ACYP2: variants seen among roughly 807,000 people sequenced by gnomAD.
ACYP2 encodes the protein acylphosphatase 2.
In ACYP2, 12 loss-of-function variants were observed where a neutral mutation model predicts 11.2. That is an observed-to-expected ratio of 1.08 (90% confidence interval 0.69 to 1.74). The LOEUF (loss-of-function observed/expected upper bound fraction) is 1.74, where lower values mean the gene tolerates loss of function less well. Ranked by LOEUF, ACYP2 falls within the 40% of genes most tolerant of loss-of-function variation. The pLI, the probability that ACYP2 is intolerant of heterozygous loss-of-function variation, is 0.00. For missense variants in ACYP2, 134 were observed against 101.9 expected (o/e 1.31, Z -1.35); for synonymous variants, 43 against 32.2 (o/e 1.33, Z -1.13).
intron 6 of ACYP2, among the ~76,000 whole-genome samples, chr2:54,229,495 T>C (rs1350572880): frequency 1.3e-5 from 2 of 152,228 alleles, no homozygotes; most frequent in Non-Finnish European, 2.9e-5. Context: ...TTGCAGAATG[T>C]ATATTATTTG....
At chr2:54,161,653 T>G (rs1221773458) in intron 6 of ACYP2, among the ~76,000 whole-genome samples, 1 of 152,200 alleles carries the variant, frequency 6.6e-6, no homozygotes, top group Admixed American at 6.5e-5. Flanking sequence ...CAAATACAAC[T>G]GCCAAATTTT....
At chr2:54,094,531 G>GTT (rs1312168798) in intron 4 of ACYP2, among the ~76,000 whole-genome samples, 2 of 136,368 alleles carry the variant, frequency 1.5e-5, no homozygotes, top group African/African-American at 5.6e-5. Flanking sequence ...GCCCGGCCCA[G>GTT]TTGTGTGTGT....
chr2:54,122,058 C>T (rs73935073), intron 4 of ACYP2, among the ~76,000 whole-genome samples: 2,547 of 152,260 alleles, frequency 0.017, 75 homozygotes, highest in African/African-American at 0.058. Flanking sequence ...GAATTTTATT[C>T]CACATAAGGA....
At chr2:54,237,095 T>C (rs1012046066) in intron 6 of ACYP2, among the ~76,000 whole-genome samples, 1 of 152,150 alleles carries the variant, frequency 6.6e-6, no homozygotes, top group Non-Finnish European at 1.5e-5. Context: ...TTATAAGTAA[T>C]CTAGAGATGA....
chr2:54,074,269 C>T (rs1033559936), intron 4 of ACYP2, among the ~76,000 whole-genome samples: 2 of 152,080 alleles, frequency 1.3e-5, no homozygotes, highest in African/African-American at 4.8e-5. Context: ...CACTTGAGCC[C>T]AGGAATTCAA....
In ACYP2 at chr2:54,293,771, T is replaced by A. The variant is rs144762068; in HGVS notation, c.405-10917T>A. 7.9e-3 allele frequency among the ~76,000 whole-genome samples: 1,206 copies of A among 152,352 alleles called. 24 individuals are homozygous for A. Among genetic ancestry groups the A allele is most frequent in the African/African-American group, 0.025 (1,041 of 41,580 alleles). ...GGAATCTTAGGTCTTAGGTTAATTA[T>A]GGATGCTCTAGGATTTCCTGGATAA... is the stretch of plus-strand genomic sequence containing the variant. On this transcript the variant is annotated intron_variant, in intron 6 of 6. Coordinates refer to ENST00000607452, the MANE Select transcript of ACYP2 (RefSeq NM_001320586.2).
intron 4 of ACYP2, among the ~76,000 whole-genome samples, chr2:54,107,480 C>A (rs941521009): frequency 6.6e-6 from 1 of 152,150 alleles, no homozygotes; most frequent in African/African-American, 2.4e-5. Flanking sequence ...TTTGAACTTT[C>A]ATTCTGCCTA....
At chr2:54,053,274 C>T (rs1675958922) in intron 3 of ACYP2, among the ~76,000 whole-genome samples, 1 of 152,168 alleles carries the variant, frequency 6.6e-6, no homozygotes, top group African/African-American at 2.4e-5. Context: ...ATGCTGGGGG[C>T]CCCATAGGGC....
intron 6 of ACYP2, among the ~76,000 whole-genome samples, chr2:54,147,720 C>G (rs1188576424): frequency 6.6e-6 from 1 of 151,898 alleles, no homozygotes; most frequent in Non-Finnish European, 1.5e-5. Flanking sequence ...AGACAGGGTC[C>G]TACTATGTTG....
chr2:54,028,413 C>T lies in ACYP2; in HGVS notation c.63-22545C>T, dbSNP rs373672268. Among the ~76,000 whole-genome samples the T allele has an allele frequency of 5.7e-4, 87 of 152,244 alleles. 2 individuals are homozygous for T. The South Asian group carries it at 0.017, about 31-fold the overall frequency. On this transcript the variant is annotated intron_variant, in intron 2 of 6. Transcript: ENST00000607452. ...AGCCTCAAGGTCTCTCTGACTTTCC[C>T]GGCAATTCCCCTCAGCCTCCTGGCT... is the stretch of plus-strand genomic sequence containing the variant.
At chr2:54,251,876 T>TC (rs972127005) in intron 6 of ACYP2, among the ~76,000 whole-genome samples, 8 of 152,208 alleles carry the variant, frequency 5.3e-5, no homozygotes, top group African/African-American at 1.9e-4. Flanking sequence ...TTCCCTATGT[T>TC]CCCTACAGGA....
intron 6 of ACYP2, among the ~76,000 whole-genome samples, chr2:54,174,609 C>G (rs1005140788): frequency 3.9e-5 from 6 of 152,128 alleles, no homozygotes; most frequent in African/African-American, 1.4e-4. Flanking sequence ...TGCTGGTTTT[C>G]AAAGGGAATG....
intron 2 of ACYP2, among the ~76,000 whole-genome samples, chr2:54,022,187 TC>T (rs891468914): frequency 1.3e-5 from 2 of 152,136 alleles, no homozygotes; most frequent in African/African-American, 4.8e-5. Flanking sequence ...TTCCCTTCTT[TC>T]CTTCCTTCCC....
At chr2:54,197,918 T>TGTA (rs1684562366) in intron 6 of ACYP2, among the ~76,000 whole-genome samples, 3 of 115,492 alleles carry the variant, frequency 2.6e-5, no homozygotes, top group South Asian at 4.3e-4. Flanking sequence ...TATTTTATTA[T>TGTA]TTTATTTTAT....
intron 2 of ACYP2, among the ~76,000 whole-genome samples, chr2:54,039,641 G>C (rs1228153447): frequency 6.6e-6 from 1 of 151,910 alleles, no homozygotes; most frequent in Non-Finnish European, 1.5e-5. Flanking sequence ...TGCCCAAGCT[G>C]GTCTCGAACT....
intron 6 of ACYP2, chr2:54,255,660 CTCA>C (rs747714322): frequency 1.2e-6 from 2 of 1,613,870 alleles, no homozygotes; most frequent in Non-Finnish European, 1.7e-6. Flanking sequence ...CTCCTGGCTT[CTCA>C]TCCACTGGGG....
At chr2:54,045,230 G>C (rs1255898123) in intron 2 of ACYP2, among the ~76,000 whole-genome samples, 1 of 152,018 alleles carries the variant, frequency 6.6e-6, no homozygotes, top group East Asian at 1.9e-4. Flanking sequence ...AATGACCCCA[G>C]TTTTCCAGGT....
At chr2:54,238,437 T>G (rs1486375941) in intron 6 of ACYP2, among the ~76,000 whole-genome samples, 1 of 151,344 alleles carries the variant, frequency 6.6e-6, no homozygotes, top group Admixed American at 6.6e-5. Flanking sequence ...ATAGGAAGAG[T>G]TCTCTACAGG....
chr2:54,187,746 A>G (rs1008180359), intron 6 of ACYP2, among the ~76,000 whole-genome samples: 1 of 152,264 alleles, frequency 6.6e-6, no homozygotes, highest in African/African-American at 2.4e-5. Flanking sequence ...TTCCACTGCT[A>G]TCAGCATAAG....
Sources: gnomAD v4.1 joint callset for allele counts (sites outside exome capture counted in the v4.1 genomes callset) on GRCh38, gnomAD v4.1.1 for gene constraint, MANE v1.5 for transcripts, NCBI Gene and HGNC (gene_info 2026-07-23, HGNC 2026-07-21) for gene names.